Variants in TNFRSF1B observed in about 807,000 individuals in gnomAD.
TNFRSF1B encodes tumor necrosis factor receptor superfamily member 1B.
A neutral mutation model predicts 44.6 loss-of-function variants in TNFRSF1B; 19 were observed. The ratio of observed to expected loss-of-function variants is 0.43; its 90% CI spans 0.30 to 0.62. The LOEUF (loss-of-function observed/expected upper bound fraction) is 0.62, where lower values mean the gene tolerates loss of function less well. Among genes scored for constraint, TNFRSF1B ranks in the 20% least tolerant of loss-of-function variants. The probability of loss-of-function intolerance (pLI) is 0.16; values close to 1 mark genes in which losing one functional copy is unlikely to be tolerated. For missense variants in TNFRSF1B, 541 were observed against 619.9 expected, an observed-to-expected ratio of 0.87 and a Z score of 1.35; for synonymous variants, 252 against 261.1, an observed-to-expected ratio of 0.97 and a Z score of 0.34.
chr1:12,181,125 G>A (rs1253511612), intron 1 of TNFRSF1B, among the ~76,000 whole-genome samples: 1 of 152,142 alleles, frequency 6.6e-6, no homozygotes, highest in Non-Finnish European at 1.5e-5. Context: ...CCAGCCCCAG[G>A]AGTCACAGGT....
chr1:12,205,296 G>C (rs1394273691), intron 9 of TNFRSF1B, among the ~76,000 whole-genome samples: 1 of 152,126 alleles, frequency 6.6e-6, no homozygotes, highest in Non-Finnish European at 1.5e-5. Context: ...GGCTCAAGGG[G>C]CTGTAGCAGG....
chr1:12,201,351 ACAAACT>A (rs1639387282), intron 8 of TNFRSF1B, among the ~76,000 whole-genome samples: 1 of 152,074 alleles, frequency 6.6e-6, no homozygotes, highest in African/African-American at 2.4e-5. Flanking sequence ...TTCTGATTTA[ACAAACT>A]CTTGTATGGA....
intron 2 of TNFRSF1B, 70 bp from the exon 3 acceptor site, chr1:12,190,887 G>A (rs1028491253): frequency 5.1e-6 from 8 of 1,562,368 alleles, no homozygotes; most frequent in Non-Finnish European, 7.0e-6. Flanking sequence ...ACTTTGTGGG[G>A]ACAGTGGATG....
intron 8 of TNFRSF1B, among the ~76,000 whole-genome samples, chr1:12,195,385 A>C (rs1326244515): frequency 6.6e-6 from 1 of 152,198 alleles, no homozygotes; most frequent in East Asian, 1.9e-4. Context: ...GGCCTCCACT[A>C]TCCCCTTGCA....
chr1:12,177,475 C>G lies in TNFRSF1B; in HGVS notation c.78+10306C>G, dbSNP rs768630023. 6.6e-6 allele frequency among the ~76,000 whole-genome samples: 1 copy of G among 152,160 alleles called. No homozygotes were observed. Among genetic ancestry groups the G allele is most frequent in the African/African-American group, 2.4e-5 (1 of 41,442 alleles). On this transcript the variant is annotated intron_variant, in intron 1 of 9. Transcript: ENST00000376259. This position sits in a 1 kb window ranked among gnomAD's most constrained non-coding sequence, Gnocchi z 4.3. ...TCTCAGGTATGAAATTGGCTGCACC[C>G]CCACTAGTGTGGGGGAGCAGGATTC...
In TNFRSF1B at chr1:12,207,359, T is replaced by TTTTG. The variant is rs5746064; in HGVS notation, c.*367_*370dup. ...GCCTGGCTTCTGGAGCCCTTGGGTT[T>TTTTG]TTTGTTTGTTTGTTTGTTTGTTTGT... is the stretch of plus-strand genomic sequence containing the variant. On this transcript the variant is annotated 3_prime_UTR_variant, in exon 10 of 10. Coordinates refer to ENST00000376259, the MANE Select transcript of TNFRSF1B (RefSeq NM_001066.3). 6.7e-4 allele frequency: 206 copies of TTTTG among 307,848 alleles called. No individual in the cohort carries two copies. The highest frequency in any genetic ancestry group is 1.3e-3 in the African/African-American group (62 of 46,644). 19.1% of individuals were successfully genotyped at this position (307,848 alleles called of 1,614,324 possible).
intron 1 of TNFRSF1B, among the ~76,000 whole-genome samples, chr1:12,174,146 CTTCTTCTTCTTCTT>C (rs1638585679): frequency 3.4e-5 from 3 of 87,774 alleles, no homozygotes; most frequent in African/African-American, 1.2e-4. Context: ...TCTTCTTCTT[CTTCTTCTTCTTCTT>C]CTTCTCCTTC....
At chr1:12,183,748 T>TAG (rs1638898012) in intron 1 of TNFRSF1B, among the ~76,000 whole-genome samples, 1,223 of 117,008 alleles carry the variant, frequency 0.01, 39 homozygotes, top group African/African-American at 0.025. Context: ...TATCTATCTA[T>TAG]CTAGCTAGCT....
chr1:12,191,738 CAG>C, intron 3 of TNFRSF1B, 34 bp from the exon 4 acceptor site: 1 of 1,611,146 alleles, frequency 6.2e-7, no homozygotes, highest in Non-Finnish European at 8.5e-7. Flanking sequence ...GTGGCGGAGG[CAG>C]GCGTGACCGT....
At chr1:12,185,192 C>T (rs1193980957) in intron 1 of TNFRSF1B, among the ~76,000 whole-genome samples, 2 of 152,182 alleles carry the variant, frequency 1.3e-5, no homozygotes, top group South Asian at 4.1e-4. Flanking sequence ...TGCCGGGTCT[C>T]GGCCATGAGC....
intron 1 of TNFRSF1B, 59 bp from the exon 2 acceptor site, chr1:12,188,737 A>C: frequency 6.6e-7 from 1 of 1,505,592 alleles, no homozygotes; most frequent in Non-Finnish European, 9.2e-7. Context: ...CCTGGGCATC[A>C]GGCATGGCAG....
chr1:12,174,530 G>T (rs1422078798), intron 1 of TNFRSF1B, among the ~76,000 whole-genome samples: 1 of 152,228 alleles, frequency 6.6e-6, no homozygotes, highest in Non-Finnish European at 1.5e-5. Context: ...TTACAGGCGT[G>T]AGCCACTGCG....
Position 12,180,327 on chromosome 1 carries a change from C to T in TNFRSF1B, c.79-8469C>T, listed in dbSNP as rs897573117. On this transcript the variant is annotated intron_variant, in intron 1 of 9. Coordinates refer to ENST00000376259, the MANE Select transcript of TNFRSF1B (RefSeq NM_001066.3). This position sits in a 1 kb window ranked among gnomAD's most constrained non-coding sequence, Gnocchi z 4.3. ...TCCCCAAAGAAGGCTGTGCTAATGG[C>T]GGCCGGAAGAGCAGAGGGCACCACA... Among the ~76,000 whole-genome samples, 2 of 152,172 alleles carry T rather than the reference C, an allele frequency of 1.3e-5. No individual in the cohort carries two copies. Among genetic ancestry groups the T allele is most frequent in the Non-Finnish European group, 2.9e-5 (2 of 68,032 alleles).
At position 12,184,599 on chromosome 1, in the gene TNFRSF1B, TG is replaced by T. The variant is rs763633716; in HGVS notation, c.79-4192del. On this transcript the variant is annotated intron_variant, in intron 1 of 9. Coordinates refer to ENST00000376259, the MANE Select transcript of TNFRSF1B (RefSeq NM_001066.3). ...GTGGGAGGCCACCACTCAGCCGGCC[TG>T]GGGGCCATGGGAGTCCAGCTGCCTG... Among the ~76,000 whole-genome samples, 60 of 152,280 alleles carry T rather than the reference TG, an allele frequency of 3.9e-4. 2 individuals are homozygous for T. Among genetic ancestry groups the T allele is most frequent in the African/African-American group, 9.6e-4 (40 of 41,552 alleles).
chr1:12,203,930 A>G (rs985579034), intron 9 of TNFRSF1B, among the ~76,000 whole-genome samples: 1 of 152,200 alleles, frequency 6.6e-6, no homozygotes, highest in African/African-American at 2.4e-5. Context: ...GAGTTTCACC[A>G]TGTTGGCCAG....
rs1410833215 is a variant in TNFRSF1B, at chr1:12,177,030, C to T, written c.78+9861C>T. Reference sequence around the variant, plus strand: ...TTCTGTTTTTTTTTTGAGATGGAGTCTTGCTCTTGTTGCCTAGGCTGGAGT... The same window carrying T: ...TTCTGTTTTTTTTTTGAGATGGAGTTTTGCTCTTGTTGCCTAGGCTGGAGT... On this transcript the variant is annotated intron_variant, in intron 1 of 9. Transcript: ENST00000376259. The surrounding 1 kb of genome is among the most constrained non-coding windows in gnomAD (Gnocchi z 4.3). Among the ~76,000 whole-genome samples, 1 of 151,874 alleles carries T rather than the reference C, an allele frequency of 6.6e-6. No individual in the cohort carries two copies. Among genetic ancestry groups the T allele is most frequent in the Non-Finnish European group, 1.5e-5 (1 of 67,950 alleles).
chr1:12,181,915 C>T (rs1287642573), intron 1 of TNFRSF1B, among the ~76,000 whole-genome samples: 3 of 152,238 alleles, frequency 2.0e-5, no homozygotes, highest in Non-Finnish European at 4.4e-5. Context: ...GCCTTCGACA[C>T]CCATCCTTAA....
Position 12,168,892 on chromosome 1 carries a change from T to A in TNFRSF1B, c.78+1723T>A, listed in dbSNP as rs957818743. Among the ~76,000 whole-genome samples the A allele has an allele frequency of 8.5e-5, 13 of 152,206 alleles. No individual in the cohort carries two copies. In the South Asian group the frequency reaches 1.9e-3, roughly 22 times the overall value. On this transcript the variant is annotated intron_variant, in intron 1 of 9. Transcript: ENST00000376259. The surrounding 1 kb of genome is among the most constrained non-coding windows in gnomAD (Gnocchi z 4.7). ...CTGGGGAGCCTCCTGTGGCTCCCAA[T>A]GGTTGAGGCAGAAACTCCCCTGGAG...
rs766973828 is a variant in TNFRSF1B at position 12,202,122 on chromosome 1, C to T, written c.1056C>T (p.Gly352=). Residue 352 remains glycine (G), a synonymous_variant, in exon 9 of 10, where the codon GGC becomes GGT. Coordinates refer to ENST00000376259, the MANE Select transcript of TNFRSF1B (RefSeq NM_001066.3). ...CTCGGAACCAGCCACAGGCACCAGG[C>T]GTGGAGGCCAGTGGGGCCGGGGAGG... The part of the protein sequence containing the change: ...APTRNQPQAP[G]VEASGAGEAR... 26 of 1,566,272 alleles carry T rather than the reference C, an allele frequency of 1.7e-5. No homozygotes were observed. Among genetic ancestry groups the T allele is most frequent in the Non-Finnish European group, 2.2e-5 (25 of 1,155,974 alleles).
Sources: gnomAD v4.1 joint callset for allele counts (sites outside exome capture counted in the v4.1 genomes callset) on GRCh38, gnomAD v4.1.1 for gene constraint, Gnocchi (gnomAD v3.1) non-coding constraint, MANE v1.5 for transcripts, NCBI Gene and HGNC (gene_info 2026-07-23, HGNC 2026-07-21) for gene names.